Variants in GPBP1L1 observed in about 807,000 individuals in gnomAD.
GPBP1L1 encodes vasculin-like protein 1.
A neutral mutation model predicts 52.5 loss-of-function variants in GPBP1L1; 23 were observed. That is an observed-to-expected ratio of 0.44 (90% CI 0.32 to 0.62). GPBP1L1 has a LOEUF of 0.62. GPBP1L1 is among the 20% of genes least tolerant of loss of function. GPBP1L1 has a pLI of 0.06. For missense variants in GPBP1L1, 596 were observed against 579.3 expected, an observed-to-expected ratio of 1.03 and a Z score of -0.30; for synonymous variants, 243 against 203.1, an observed-to-expected ratio of 1.20 and a Z score of -1.67.
intron 10 of GPBP1L1, 134 bp downstream of exon 10, chr1:45,633,355 G>C: frequency 1.2e-6 from 1 of 840,038 alleles, no homozygotes; most frequent in Non-Finnish European, 1.9e-6. Flanking sequence ...TGGTCTAGAA[G>C]GCAGTTACAC....
chr1:45,643,538 A>G (rs1330748786), intron 6 of GPBP1L1, among the ~76,000 whole-genome samples: 4 of 152,118 alleles, frequency 2.6e-5, no homozygotes, highest in African/African-American at 9.7e-5. Context: ...AGAAGTAGAG[A>G]ACGAGATAAG....
intron 6 of GPBP1L1, chr1:45,651,511 T>C: frequency 2.0e-6 from 1 of 496,654 alleles, no homozygotes; most frequent in South Asian, 2.1e-5. Flanking sequence ...TCTCTTGCTT[T>C]GCCTCTGATC....
intron 2 of GPBP1L1, among the ~76,000 whole-genome samples, chr1:45,677,322 A>G (rs1011985159): frequency 1.3e-5 from 2 of 149,924 alleles, no homozygotes; most frequent in African/African-American, 5.0e-5. Flanking sequence ...CCTGGGTGAC[A>G]GAGGAAGATT....
chr1:45,633,661 A>G lies in GPBP1L1; in HGVS notation c.886-14T>C. The G allele has an allele frequency of 1.2e-6, 2 of 1,612,370 alleles. No individual in the cohort carries two copies. Among genetic ancestry groups the G allele is most frequent in the Non-Finnish European group, 8.5e-7 (1 of 1,179,344 alleles). On this transcript the variant is annotated splice_polypyrimidine_tract_variant and intron_variant, in intron 9 of 12. Transcript: ENST00000355105. ...GCTGGAGGGACTCTGGGCAAATACCACAAACAGGTTGCTCCTGACAGCAAA... is the reference window on the plus strand; with the variant it reads ...GCTGGAGGGACTCTGGGCAAATACCGCAAACAGGTTGCTCCTGACAGCAAA...
chr1:45,662,982 C>T (rs951620447), intron 2 of GPBP1L1, among the ~76,000 whole-genome samples: 7 of 140,282 alleles, frequency 5.0e-5, no homozygotes, highest in Non-Finnish European at 7.6e-5. Context: ...ATCCGGGAGG[C>T]GGAGGTTACA....
rs1364240757 is a variant in GPBP1L1, at chr1:45,640,305, G to C, written c.649C>G (p.Pro217Ala). 2 of 1,613,900 alleles carry C rather than the reference G, an allele frequency of 1.2e-6. No individual in the cohort carries two copies. The highest frequency in any genetic ancestry group is 1.3e-5 in the African/African-American group (1 of 74,920). The change falls in exon 8 of 13, where the codon CCA (proline) becomes GCA (alanine). Residue 217 changes from proline (P) to alanine (A), a missense_variant. Pro to Ala is a conservative substitution (Grantham distance 27). Transcript: ENST00000355105. ...TTCCCATTTGCATGGTGAGATCCTG[G>C]TGAGGTGAATGCAGCAGAGAAGGCA... ...AAAFSAAFTSPGSHHANGNKL... is the reference protein window; with the variant it reads ...AAAFSAAFTSAGSHHANGNKL...
chr1:45,650,524 C>T (rs1003939270), intron 6 of GPBP1L1, among the ~76,000 whole-genome samples: 1 of 152,008 alleles, frequency 6.6e-6, no homozygotes, highest in African/African-American at 2.4e-5. Context: ...TTTAACTTGC[C>T]CAGGTAACAA....
At chr1:45,631,553 G>A (rs1187093473) in intron 10 of GPBP1L1, among the ~76,000 whole-genome samples, 1 of 152,130 alleles carries the variant, frequency 6.6e-6, no homozygotes, top group African/African-American at 2.4e-5. Flanking sequence ...TTGAGCCACC[G>A]TGACTGGCCT....
chr1:45,640,451 G>GT, intron 7 of GPBP1L1, 48 bp from the exon 8 acceptor site: 1 of 1,452,384 alleles, frequency 6.9e-7, no homozygotes, highest in South Asian at 1.2e-5. Flanking sequence ...AACCTGTTGT[G>GT]TAACATGAAG....
At chr1:45,645,606 T>C (rs1193564754) in intron 6 of GPBP1L1, among the ~76,000 whole-genome samples, 2 of 152,190 alleles carry the variant, frequency 1.3e-5, no homozygotes, top group Non-Finnish European at 2.9e-5. Context: ...AACTATCACA[T>C]GCTAACTCTC....
chr1:45,632,093 T>C (rs1489949464), intron 10 of GPBP1L1, among the ~76,000 whole-genome samples: 2 of 152,148 alleles, frequency 1.3e-5, no homozygotes, highest in Non-Finnish European at 2.9e-5. Context: ...TAGTATACTC[T>C]TTCATCCTCA....
chr1:45,629,520 G>C (rs1302414029), intron 12 of GPBP1L1, 56 bp downstream of exon 12: 2 of 758,256 alleles, frequency 2.6e-6, no homozygotes, highest in Non-Finnish European at 4.1e-6. Flanking sequence ...GAACTGTCTT[G>C]ACTCCTTATT....
In GPBP1L1 at chr1:45,648,494, C is replaced by G. The variant is rs77720339; in HGVS notation, c.478-5995G>C. ...TCTCAAATATGCCCTACGAGCTTTC[C>G]AGAAAAACGGTTGGCTCTGTTAGCA... On this transcript the variant is annotated intron_variant, in intron 6 of 12. Transcript: ENST00000355105. 1.2e-4 allele frequency among the ~76,000 whole-genome samples: 18 copies of G among 152,264 alleles called. No homozygotes were observed. The East Asian group carries it at 3.5e-3, about 29-fold the overall frequency.
chr1:45,679,058 T>C (rs765452717), intron 2 of GPBP1L1, among the ~76,000 whole-genome samples: 2 of 152,134 alleles, frequency 1.3e-5, no homozygotes, highest in Non-Finnish European at 2.9e-5. Flanking sequence ...ATTGCTTCTG[T>C]AATAATAAAA....
intron 8 of GPBP1L1, among the ~76,000 whole-genome samples, chr1:45,635,980 CCTT>C (rs1056625124): frequency 2.6e-5 from 4 of 152,114 alleles, no homozygotes; most frequent in African/African-American, 4.8e-5. Context: ...TTATATACCA[CCTT>C]CTTATTGCCA....
At chr1:45,644,434 G>A (rs1468447720) in intron 6 of GPBP1L1, among the ~76,000 whole-genome samples, 1 of 152,034 alleles carries the variant, frequency 6.6e-6, no homozygotes, top group Non-Finnish European at 1.5e-5. Context: ...AAGTTAATGG[G>A]TAAAAGTTCT....
intron 2 of GPBP1L1, among the ~76,000 whole-genome samples, chr1:45,664,839 C>T (rs1039916611): frequency 6.6e-6 from 1 of 151,946 alleles, no homozygotes. Context: ...CCACCACACC[C>T]GGTTAATTTT....
Position 45,628,008 on chromosome 1 carries a change from G to A in GPBP1L1, c.*248C>T, listed in dbSNP as rs1022196980. 3 of 324,732 alleles carry A rather than the reference G, an allele frequency of 9.2e-6. No homozygotes were observed. Among genetic ancestry groups the A allele is most frequent in the Admixed American group, 4.4e-5 (1 of 22,484 alleles). 20.1% of individuals were successfully genotyped at this position (324,732 alleles called of 1,614,324 possible). On this transcript the variant is annotated 3_prime_UTR_variant, in exon 13 of 13. Transcript: ENST00000355105. ...CGCCCCATATATACTGGGTGTGTAT[G>A]TGTGTGTGTGTGTGAGTGTGTTTAA...
At chr1:45,676,517 T>C (rs1479238743) in intron 2 of GPBP1L1, among the ~76,000 whole-genome samples, 3 of 151,914 alleles carry the variant, frequency 2.0e-5, no homozygotes, top group Non-Finnish European at 4.4e-5. Flanking sequence ...AAGACCATCC[T>C]GGCTAACATG....
Sources: allele counts gnomAD v4.1 joint callset (sites outside exome capture counted in the v4.1 genomes callset), GRCh38; gene constraint gnomAD v4.1.1; transcripts MANE v1.5; gene names NCBI Gene and HGNC (gene_info 2026-07-23, HGNC 2026-07-21).